MYO10: variants seen among roughly 807,000 people sequenced by gnomAD.
MYO10 encodes myosin X.
Under a neutral mutation model 257.3 loss-of-function variants are expected in MYO10, and 133 were observed. The ratio of observed to expected loss-of-function variants is 0.52; its 90% CI spans 0.45 to 0.60. The LOEUF (loss-of-function observed/expected upper bound fraction) is 0.60. Among genes scored for constraint, MYO10 ranks in the 20% least tolerant of loss-of-function variants. The pLI, the probability that MYO10 is intolerant of heterozygous loss-of-function variation, is 0.00. For synonymous variants in MYO10, 1,104 were observed against 1,028.6 expected, an observed-to-expected ratio of 1.07 and a Z score of -1.40; for missense variants, 2,399 against 2,635.7, an observed-to-expected ratio of 0.91 and a Z score of 1.97.
intron 2 of MYO10, among the ~76,000 whole-genome samples, chr5:16,835,623 A>C (rs1743290900): frequency 6.6e-6 from 1 of 150,492 alleles, no homozygotes; most frequent in Admixed American, 6.7e-5. Context: ...ATCAGCTCAG[A>C]ATATGACATA....
chr5:16,721,481 C>G (rs1739150195), intron 19 of MYO10, among the ~76,000 whole-genome samples: 1 of 151,996 alleles, frequency 6.6e-6, no homozygotes, highest in Non-Finnish European at 1.5e-5. Flanking sequence ...AACACTTACA[C>G]AGTGGTTGCT....
intron 21 of MYO10, among the ~76,000 whole-genome samples, chr5:16,707,561 C>T (rs1311019844): frequency 1.3e-5 from 2 of 152,220 alleles, no homozygotes; most frequent in African/African-American, 4.8e-5. Flanking sequence ...ATACCTCCTG[C>T]ATGCTTCATT....
At chr5:16,696,553 G>C (rs1389605294) in intron 26 of MYO10, among the ~76,000 whole-genome samples, 1 of 152,104 alleles carries the variant, frequency 6.6e-6, no homozygotes, top group African/African-American at 2.4e-5. Context: ...TTTTAATCCA[G>C]TAACTGTATA....
intron 19 of MYO10, among the ~76,000 whole-genome samples, chr5:16,742,703 C>T (rs1454745211): frequency 1.3e-5 from 2 of 150,894 alleles, no homozygotes; most frequent in Non-Finnish European, 2.9e-5. Flanking sequence ...TCCAGCTACT[C>T]GGGAGGCTGA....
intron 19 of MYO10, among the ~76,000 whole-genome samples, chr5:16,721,252 TCA>T (rs1267676159): frequency 2.6e-5 from 4 of 152,210 alleles, no homozygotes; most frequent in African/African-American, 9.7e-5. Flanking sequence ...GCAAGGAATC[TCA>T]GTCTATTTGC....
At chr5:16,698,772 C>T (rs946168721) in intron 26 of MYO10, among the ~76,000 whole-genome samples, 10 of 150,244 alleles carry the variant, frequency 6.7e-5, no homozygotes, top group East Asian at 3.9e-4. Flanking sequence ...TACAGGAGCC[C>T]GCCACCGCTC....
Position 16,672,783 on chromosome 5 carries a change from T to G in MYO10, c.5215A>C (p.Arg1739=), listed in dbSNP as rs376968410. Residue 1739 remains arginine (R), a synonymous_variant, in exon 37 of 41, where the codon AGG becomes CGG. Coordinates refer to ENST00000513610, the MANE Select transcript of MYO10 (RefSeq NM_012334.3). ...TATTCAAACAAAGCAAACATGTTCC[T>G]GCTGTCCTCCATGGCCAGGCCTCGG... ...LIRGLAMEDS[R]NMFALFEYNG... The G allele has an allele frequency of 2.5e-6, 4 of 1,613,770 alleles. No individual in the cohort carries two copies. The highest frequency in any genetic ancestry group is 2.5e-6 in the Non-Finnish European group (3 of 1,179,838).
rs1740751959 is a variant in MYO10 at position 16,762,605 on chromosome 5, T to C, written c.1527A>G (p.Glu509=). ...KLGLLALINE[E]SHFPQATDST... is the part of the protein sequence containing the mutation. Reference sequence around the variant, plus strand: ...TGTCTGTGGCTTGAGGAAAATGGCTTTCTTCATTGATAAGGGCTAGGAGGC... The same window carrying C: ...TGTCTGTGGCTTGAGGAAAATGGCTCTCTTCATTGATAAGGGCTAGGAGGC... Residue 509 remains glutamate, a synonymous_variant, in exon 15 of 41, where the codon GAA becomes GAG. Transcript: ENST00000513610. The C allele has an allele frequency of 1.2e-6, 2 of 1,608,782 alleles. No individual in the cohort carries two copies. The highest frequency in any genetic ancestry group is 3.3e-4 in the Middle Eastern group (2 of 6,060).
chr5:16,891,480 G>A (rs1745059501), intron 1 of MYO10, among the ~76,000 whole-genome samples: 1 of 152,022 alleles, frequency 6.6e-6, no homozygotes, highest in Non-Finnish European at 1.5e-5. Flanking sequence ...AGAATGGAGA[G>A]TGGCTGCTAA....
chr5:16,685,750 T>C lies in MYO10; in HGVS notation c.3978A>G (p.Pro1326=), dbSNP rs1357393576. The C allele has an allele frequency of 1.9e-6, 3 of 1,601,640 alleles. No individual in the cohort carries two copies. The highest frequency in any genetic ancestry group is 1.7e-6 in the Non-Finnish European group (2 of 1,174,598). The change falls in exon 29 of 41, where the codon CCA becomes CCG. Residue 1326 remains proline (P), a synonymous_variant. Transcript: ENST00000513610. ...IQEMHDEQAN[P]QNAVGTLDVG... ...AGTGCTCCCGTACCACAGCATTCTGTGGGTTTGCCTGCTCATCATGCATCT... is the reference window on the plus strand; with the variant it reads ...AGTGCTCCCGTACCACAGCATTCTGCGGGTTTGCCTGCTCATCATGCATCT...
intron 4 of MYO10, among the ~76,000 whole-genome samples, chr5:16,784,265 C>G (rs966574329): frequency 6.6e-6 from 1 of 152,150 alleles, no homozygotes; most frequent in African/African-American, 2.4e-5. Flanking sequence ...TGGGCTGAGA[C>G]GAAAGGCGGC....
intron 19 of MYO10, chr5:16,713,370 G>T (rs2126582507): frequency 1.0e-6 from 1 of 985,826 alleles, no homozygotes; most frequent in South Asian, 4.7e-5. Flanking sequence ...CCTTCAGTTT[G>T]GCTCTTGGGC....
At position 16,931,817 on chromosome 5, in the gene MYO10, T is replaced by C. The variant is rs541133916; in HGVS notation, c.21+3971A>G. On this transcript the variant is annotated intron_variant, in intron 1 of 40. Coordinates refer to ENST00000513610, the MANE Select transcript of MYO10 (RefSeq NM_012334.3). ...CAAGAAGTCCTCAGCAGTTCCCCTT[T>C]ACACATGGAGACATATCGAGGGTGA... Among the ~76,000 whole-genome samples the C allele has an allele frequency of 3.0e-3, 450 of 152,300 alleles. 3 individuals carry two copies. The highest frequency in any genetic ancestry group is 0.01 in the African/African-American group (427 of 41,550).
chr5:16,671,438 G>A lies in MYO10; in HGVS notation c.5414C>T (p.Ala1805Val), dbSNP rs1337207926. 1.2e-6 allele frequency: 2 copies of A among 1,613,924 alleles called. No individual in the cohort carries two copies. Among genetic ancestry groups the A allele is most frequent in the Non-Finnish European group, 1.7e-6 (2 of 1,179,846 alleles). ...DNVPKDSVEFAFMFEQAHEAV... is the reference protein window; with the variant it reads ...DNVPKDSVEFVFMFEQAHEAV... The stretch of plus-strand genomic sequence containing the variant: ...TCCTTTTACCTGTTCAAACATAAAT[G>A]CAAACTCCACACTGTCTTTTGGCAC... The change falls in exon 38 of 41, where the codon GCA (alanine) becomes GTA (valine). Residue 1805 changes from alanine (A) to valine (V), a missense_variant. Physicochemically the swap from Ala to Val is moderately conservative, Grantham distance 64. Coordinates refer to ENST00000513610, the MANE Select transcript of MYO10 (RefSeq NM_012334.3).
Position 16,694,429 on chromosome 5 carries a change from A to G in MYO10, c.3742T>C (p.Tyr1248His). ...WFVLRQSKLM[Y>H]FENDSEEKLK... The stretch of plus-strand genomic sequence containing the variant: ...TTCTCCTCGCTGTCGTTTTCAAAGT[A>G]CATCAGCTTGGACTGGCGGAGGACA... The change falls in exon 27 of 41, where the codon TAC (tyrosine) becomes CAC (histidine). Residue 1248 changes from tyrosine to histidine, a missense_variant. Transcript: ENST00000513610. 6.2e-7 allele frequency: 1 copy of G among 1,614,026 alleles called. No homozygotes were observed. The highest frequency in any genetic ancestry group is 2.2e-5 in the East Asian group (1 of 44,882).
chr5:16,706,098 G>A (rs547762136), intron 21 of MYO10, among the ~76,000 whole-genome samples: 16 of 152,156 alleles, frequency 1.1e-4, no homozygotes, highest in African/African-American at 3.6e-4. Context: ...CAGAAGAATC[G>A]CTTGAACCTG....
At chr5:16,724,055 G>A (rs925184869) in intron 19 of MYO10, among the ~76,000 whole-genome samples, 5 of 152,090 alleles carry the variant, frequency 3.3e-5, no homozygotes, top group African/African-American at 1.2e-4. Context: ...CAAAACTCGC[G>A]GAACTTTAGA....
At chr5:16,733,693 T>C (rs1160142448) in intron 19 of MYO10, among the ~76,000 whole-genome samples, 1 of 152,206 alleles carries the variant, frequency 6.6e-6, no homozygotes, top group African/African-American at 2.4e-5. Flanking sequence ...AGCCAATATC[T>C]GTTAAGTATA....
chr5:16,915,743 G>C (rs1745796513), intron 1 of MYO10, among the ~76,000 whole-genome samples: 2 of 152,202 alleles, frequency 1.3e-5, no homozygotes, highest in African/African-American at 4.8e-5. Flanking sequence ...ATCACCTAAG[G>C]TCAGGAGTTC....
Sources: allele counts gnomAD v4.1 joint callset (sites outside exome capture counted in the v4.1 genomes callset), GRCh38; gene constraint gnomAD v4.1.1; transcripts MANE v1.5; gene names NCBI Gene and HGNC (gene_info 2026-07-23, HGNC 2026-07-21).